The following XKRX variants were observed in gnomAD, a reference collection of about 807,000 sequenced individuals.
XKRX encodes XK-related protein 2.
In XKRX, 11 loss-of-function variants were observed where a neutral mutation model predicts 22.4. The ratio of observed to expected loss-of-function variants is 0.49; its 90% CI spans 0.31 to 0.81. The LOEUF is 0.81. XKRX is among the 40% of genes least tolerant of loss of function. The probability of loss-of-function intolerance (pLI) is 0.05; values close to 1 mark genes in which losing one functional copy is unlikely to be tolerated. For missense variants in XKRX, 320 were observed against 336.5 expected, an observed-to-expected ratio of 0.95 and a Z score of 0.38; for synonymous variants, 114 against 132.2, an observed-to-expected ratio of 0.86 and a Z score of 0.94.
chrX:100,936,566 A>G, the XKRX span, among the ~76,000 whole-genome samples: 4 of 90,653 alleles, frequency 4.4e-5, no homozygotes, highest in Admixed American at 1.1e-4. Flanking sequence ...AAAAAAAAAA[A>G]AAAAGAAAAG....
At chrX:100,900,991 C>T in the XKRX span, among the ~76,000 whole-genome samples, 2 of 109,603 alleles carry the variant, frequency 1.8e-5, no homozygotes, top group Non-Finnish European at 3.8e-5. Context: ...GGGGTTTTAC[C>T]GTGTTAGCCA....
downstream of XKRX, among the ~76,000 whole-genome samples, chrX:100,908,591 A>G (rs189643128): frequency 2.5e-4 from 28 of 112,070 alleles, no homozygotes; most frequent in East Asian, 7.8e-3. Context: ...TTCAGGAGGA[A>G]AGACATGGTA....
the XKRX span, among the ~76,000 whole-genome samples, chrX:100,899,420 G>C: frequency 8.9e-6 from 1 of 112,259 alleles, no homozygotes; most frequent in Non-Finnish European, 1.9e-5. Flanking sequence ...GAGGTTGAGG[G>C]GGGAGGATCA....
Position 100,914,992 on chromosome X carries a change from C to G in XKRX, c.696G>C (p.Lys232Asn). The G allele has an allele frequency of 8.3e-7, 1 of 1,211,827 alleles. No individual in the cohort carries two copies. The highest frequency in any genetic ancestry group is 1.1e-6 in the Non-Finnish European group (1 of 895,562). The change falls in exon 3 of 3, where the codon AAG becomes AAC. Residue 232 changes from lysine to asparagine, a missense_variant. By Grantham distance (94) the Lys-to-Asn change is moderately conservative. Coordinates refer to ENST00000372956, the MANE Select transcript of XKRX (RefSeq NM_212559.3). Reference sequence around the variant, plus strand: ...GGACTTCTAGTGGCCCAAGGCGAATCTTGTAGTCATCGTACTTGATCTGGA... The same window carrying G: ...GGACTTCTAGTGGCCCAAGGCGAATGTTGTAGTCATCGTACTTGATCTGGA... ...LAIQIKYDDY[K>N]IRLGPLEVLC... is the part of the protein sequence containing the mutation.
At position 100,922,977 on chromosome X, in the gene XKRX, C is replaced by A. The variant is rs780813367; in HGVS notation, c.420G>T (p.Lys140Asn). Residue 140 changes from lysine to asparagine, a missense_variant, in exon 2 of 3, where the codon AAG (lysine) becomes AAT (asparagine). Transcript: ENST00000372956. The part of the protein sequence containing the change: ...EEPYVSLTRK[K>N]MLIDGEEVLI... ...GCACCTCCTCGCCATCTATTAGCAT[C>A]TTCTTTCGGGTGAGGCTGACATAGG... The A allele has an allele frequency of 3.3e-5, 40 of 1,210,036 alleles. 1 individual carries two copies. In the East Asian group the frequency reaches 8.0e-4, roughly 24 times the overall value.
At chrX:100,957,201 G>T in the XKRX span, 2 of 1,036,105 alleles carry the variant, frequency 1.9e-6, no homozygotes, top group Middle Eastern at 2.6e-4. Flanking sequence ...GAGAGATTTT[G>T]GCTTTGGAAT....
At chrX:100,940,815 C>A in the XKRX span, among the ~76,000 whole-genome samples, 1 of 111,775 alleles carries the variant, frequency 8.9e-6, no homozygotes, top group Non-Finnish European at 1.9e-5. Flanking sequence ...TGATAGCATT[C>A]AAGACTGTCC....
chrX:100,923,364 T>C (rs924228582), intron 1 of XKRX, among the ~76,000 whole-genome samples: 1 of 111,612 alleles, frequency 9.0e-6, no homozygotes, highest in Admixed American at 9.5e-5. Flanking sequence ...CCCAGACTGG[T>C]CTCAAACTCC....
At chrX:100,952,186 G>T in the XKRX span, among the ~76,000 whole-genome samples, 1 of 110,354 alleles carries the variant, frequency 9.1e-6, no homozygotes, top group African/African-American at 3.3e-5. Context: ...ATATCAACAG[G>T]CTTAAAAAAT....
rs1367916420 is a variant in XKRX, at chrX:100,914,761, C to T, written c.927G>A (p.Leu309=). Reference sequence around the variant, plus strand: ...GGATGGTGACTGAAATCAGGACCACCAGAGTGCCGACCCGGCTGAAGTTTT... The same window carrying T: ...GGATGGTGACTGAAATCAGGACCACTAGAGTGCCGACCCGGCTGAAGTTTT... ...IEKNFSRVGT[L]VVLISVTILY... is the part of the protein sequence containing the mutation. Residue 309 remains leucine, a synonymous_variant, in exon 3 of 3, where the codon CTG becomes CTA. Transcript: ENST00000372956. The T allele has an allele frequency of 9.1e-6, 11 of 1,211,742 alleles. No individual in the cohort carries two copies. The highest frequency in any genetic ancestry group is 1.2e-5 in the Non-Finnish European group (11 of 895,583).
chrX:100,889,747 T>C, the XKRX span, among the ~76,000 whole-genome samples: 1 of 111,848 alleles, frequency 8.9e-6, no homozygotes, highest in East Asian at 2.8e-4. Flanking sequence ...CTCACACCTA[T>C]AATCCCGGCA....
At position 100,913,526 on chromosome X, in the gene XKRX, A is replaced by C. The variant is rs1162037701; in HGVS notation, c.*812T>G. On this transcript the variant is annotated 3_prime_UTR_variant, in exon 3 of 3. Transcript: ENST00000372956. ...AGCTTCTCTGAGGTCCACATCAAGT[A>C]GTAAAATACCAAGAGCACAGAAAAG... is the stretch of plus-strand genomic sequence containing the variant. 1 of 112,413 alleles carries C rather than the reference A, an allele frequency of 8.9e-6. No individual in the cohort carries two copies. Among genetic ancestry groups the C allele is most frequent in the East Asian group, 2.8e-4 (1 of 3,563 alleles). 9.3% of individuals were successfully genotyped at this position (112,413 alleles called of 1,213,427 possible). A position where few individuals can be genotyped will look rare whatever the true frequency, so the allele number is the denominator to read the frequency against.
At chrX:100,927,175 C>CA (rs202153243) in intron 1 of XKRX, among the ~76,000 whole-genome samples, 5 of 109,377 alleles carry the variant, frequency 4.6e-5, no homozygotes, top group South Asian at 4.0e-4. Context: ...CCCGTCTCTA[C>CA]AAAAAAAATT....
chrX:100,887,805 G>T, the XKRX span: 10 of 1,027,350 alleles, frequency 9.7e-6, no homozygotes, highest in African/African-American at 1.5e-4. Context: ...TGTTGTAATT[G>T]CCAAAATCAT....
chrX:100,901,826 CCT>C, the XKRX span, among the ~76,000 whole-genome samples: 1 of 110,104 alleles, frequency 9.1e-6, no homozygotes, highest in African/African-American at 3.3e-5. Context: ...ATGGTGAAAC[CCT>C]GTCTCTACCA....
intron 2 of XKRX, among the ~76,000 whole-genome samples, chrX:100,917,682 G>GAAAAGAAAGAAAGA (rs1181602011): frequency 2.3e-5 from 2 of 85,682 alleles, no homozygotes; most frequent in African/African-American, 1.0e-4. Context: ...AGAAAAGAAA[G>GAAAAGAAAGAAAGA]AAAGAAAGAA....
At chrX:100,917,665 G>GAA (rs780056515) in intron 2 of XKRX, among the ~76,000 whole-genome samples, 4 of 47,288 alleles carry the variant, frequency 8.5e-5, no homozygotes, top group Admixed American at 2.6e-4. Context: ...AAGAAAGAAA[G>GAA]AAAGAAAGAA....
intron 2 of XKRX, among the ~76,000 whole-genome samples, chrX:100,919,537 A>C (rs1269433569): frequency 8.9e-6 from 1 of 111,863 alleles, no homozygotes; most frequent in East Asian, 2.8e-4. Context: ...TAATAACAAG[A>C]ATAAGTAAAT....
downstream of XKRX, chrX:100,911,478 T>A: frequency 3.5e-6 from 3 of 855,292 alleles, no homozygotes; most frequent in Non-Finnish European, 5.3e-6. Flanking sequence ...ATAAATGCAG[T>A]CTTACTGGTT....
Sources: allele counts gnomAD v4.1 joint callset (sites outside exome capture counted in the v4.1 genomes callset), GRCh38; gene constraint gnomAD v4.1.1; transcripts MANE v1.5; gene names NCBI Gene and HGNC (gene_info 2026-07-23, HGNC 2026-07-21).